Variants in SPACA7 observed in about 807,000 individuals in gnomAD.
SPACA7 encodes the protein sperm acrosome associated 7.
A neutral mutation model predicts 26.3 loss-of-function variants in SPACA7; 19 were observed. The ratio of observed to expected loss-of-function variants is 0.72; its 90% CI spans 0.50 to 1.06. SPACA7 has a LOEUF of 1.06. Ranked by LOEUF, SPACA7 falls within the 50% of genes least tolerant of loss-of-function variation. The pLI, the probability that SPACA7 is intolerant of heterozygous loss-of-function variation, is 0.00. For missense variants in SPACA7, 211 were observed against 229.9 expected, an observed-to-expected ratio of 0.92 and a Z score of 0.53; for synonymous variants, 84 against 84.5, an observed-to-expected ratio of 0.99 and a Z score of 0.04.
chr13:112,389,830 A>G (rs1443447718), intron 1 of SPACA7, among the ~76,000 whole-genome samples: 1 of 152,202 alleles, frequency 6.6e-6, no homozygotes, highest in Non-Finnish European at 1.5e-5. Context: ...TAAAAACGGG[A>G]TATGTTGAGG....
intron 2 of SPACA7, among the ~76,000 whole-genome samples, chr13:112,393,807 G>A (rs1410672793): frequency 6.6e-6 from 1 of 152,100 alleles, no homozygotes; most frequent in Non-Finnish European, 1.5e-5. Context: ...CCAACATGGT[G>A]AAACCCCGCC....
At chr13:112,383,951 G>T (rs1029134237) in intron 1 of SPACA7, among the ~76,000 whole-genome samples, 2 of 152,142 alleles carry the variant, frequency 1.3e-5, no homozygotes, top group African/African-American at 4.8e-5. Flanking sequence ...GGAGAAATCA[G>T]GTAGAGAGAA....
At chr13:112,391,455 T>C (rs1298077328) in intron 1 of SPACA7, among the ~76,000 whole-genome samples, 1 of 152,146 alleles carries the variant, frequency 6.6e-6, no homozygotes, top group African/African-American at 2.4e-5. Flanking sequence ...TGCAGTGCTG[T>C]TTTCCCCAAA....
At chr13:112,410,327 G>C (rs2139000027) in intron 5 of SPACA7, among the ~76,000 whole-genome samples, 1 of 151,862 alleles carries the variant, frequency 6.6e-6, no homozygotes, top group South Asian at 2.1e-4. Context: ...TAACAAACCT[G>C]CATATTGTGC....
At chr13:112,382,509 T>C in intron 1 of SPACA7, 3 of 1,550,194 alleles carry the variant, frequency 1.9e-6, no homozygotes, top group Non-Finnish European at 2.6e-6. Context: ...AACCCCAAGG[T>C]GAGAACAGTG....
At chr13:112,381,935 G>A (rs1233074973) in intron 1 of SPACA7, among the ~76,000 whole-genome samples, 6 of 152,150 alleles carry the variant, frequency 3.9e-5, no homozygotes, top group Non-Finnish European at 8.8e-5. Flanking sequence ...AGAATCTTGT[G>A]GCCTCCAGCT....
At chr13:112,397,155 T>C (rs1885325187) in intron 2 of SPACA7, among the ~76,000 whole-genome samples, 1 of 152,194 alleles carries the variant, frequency 6.6e-6, no homozygotes, top group African/African-American at 2.4e-5. Context: ...ACATCTTCGT[T>C]TCCAGTGGCA....
chr13:112,423,331 A>G, intron 5 of SPACA7, among the ~76,000 whole-genome samples: 1 of 152,254 alleles, frequency 6.6e-6, no homozygotes, highest in Non-Finnish European at 1.5e-5. Context: ...TTAAATGCTT[A>G]TGCTAAAATA....
chr13:112,395,762 G>A (rs566571348), intron 2 of SPACA7, among the ~76,000 whole-genome samples: 24 of 152,252 alleles, frequency 1.6e-4, no homozygotes, highest in Non-Finnish European at 3.4e-4. Context: ...GAGCCACTGC[G>A]CCCAGCCTGG....
intron 5 of SPACA7, among the ~76,000 whole-genome samples, chr13:112,416,169 G>T (rs992293132): frequency 6.6e-6 from 1 of 151,982 alleles, no homozygotes; most frequent in East Asian, 1.9e-4. Context: ...CAGTTCTTGT[G>T]AAGGTGACTT....
rs1366124298 is a variant in SPACA7, at chr13:112,432,665, G to A, written c.523+144G>A. The A allele has an allele frequency of 5.8e-5, 37 of 637,524 alleles. 1 individual carries two copies. In the South Asian group the frequency reaches 6.4e-4, roughly 11 times the overall value. The allele number at this position is 637,524 out of a possible 1,614,324, so 39.5% of individuals were successfully genotyped here. On this transcript the variant is annotated intron_variant, in intron 6 of 6. Transcript: ENST00000283550. Reference sequence around the variant, plus strand: ...CTACCTGAGCTCCACAGGAGCCCCTGTCCAACCGTTGATGTGTGGAAACCT... The same window carrying A: ...CTACCTGAGCTCCACAGGAGCCCCTATCCAACCGTTGATGTGTGGAAACCT...
chr13:112,413,540 G>T (rs1292096961), intron 5 of SPACA7, among the ~76,000 whole-genome samples: 1 of 152,062 alleles, frequency 6.6e-6, no homozygotes, highest in Non-Finnish European at 1.5e-5. Flanking sequence ...TTGAGAGCTT[G>T]ATTATTCGAT....
At position 112,398,024 on chromosome 13, in the gene SPACA7, C is replaced by T. The variant is rs145284994; in HGVS notation, c.152-25C>T. 9.8e-4 allele frequency: 1,536 copies of T among 1,561,072 alleles called. 23 individuals are homozygous for T. In the South Asian group the frequency reaches 0.013, roughly 13 times the overall value. On this transcript the variant is annotated intron_variant, in intron 2 of 6. Transcript: ENST00000283550. ...GCCAGCCCTGCAGGGCCGACTCTAA[C>T]GTGATCTTGTGTGCTTCTCCCAAGA...
intron 5 of SPACA7, among the ~76,000 whole-genome samples, chr13:112,426,043 G>A (rs952904063): frequency 7.2e-5 from 11 of 152,202 alleles, no homozygotes; most frequent in Non-Finnish European, 1.3e-4. Flanking sequence ...AAATGGAAAT[G>A]TATAGCATTA....
intron 5 of SPACA7, among the ~76,000 whole-genome samples, chr13:112,413,820 C>T (rs1460980341): frequency 6.6e-6 from 1 of 152,008 alleles, no homozygotes; most frequent in East Asian, 1.9e-4. Context: ...TTTTGTGTTG[C>T]CATAATGGGA....
intron 2 of SPACA7, among the ~76,000 whole-genome samples, chr13:112,393,679 A>C (rs1594261895): frequency 6.6e-6 from 1 of 152,412 alleles, no homozygotes; most frequent in South Asian, 2.1e-4. Context: ...AGGGCCGTCC[A>C]ATAGAAACAC....
At chr13:112,378,486 A>C (rs1038717294) in intron 1 of SPACA7, among the ~76,000 whole-genome samples, 4 of 152,326 alleles carry the variant, frequency 2.6e-5, no homozygotes, top group African/African-American at 7.2e-5. Context: ...ATGGTAATGG[A>C]CCACATAAAC....
chr13:112,398,094 C>T lies in SPACA7; in HGVS notation c.197C>T (p.Pro66Leu), dbSNP rs147254816. ...ATTTTAGATCTGAATAAAACAACAC[C>T]GAGCGAAATGCCAAGTACAGCATCA... ...QEILDLNKTT[P>L]SEMPSTASTL... is the part of the protein sequence containing the mutation. The change falls in exon 3 of 7, where the codon CCG (proline) becomes CTG (leucine). Residue 66 changes from proline (P) to leucine (L), a missense_variant. Pro to Leu is a moderately conservative substitution (Grantham distance 98). Transcript: ENST00000283550. 1.4e-4 allele frequency: 219 copies of T among 1,613,900 alleles called. No individual in the cohort carries two copies. The African/African-American group carries it at 2.3e-3, about 17-fold the overall frequency.
intron 1 of SPACA7, among the ~76,000 whole-genome samples, 164 bp from the exon 2 acceptor site, chr13:112,392,857 T>G (rs1271376517): frequency 6.6e-6 from 1 of 152,210 alleles, no homozygotes; most frequent in Non-Finnish European, 1.5e-5. Context: ...CAGAGAACTT[T>G]CCTGGGGCCA....
Sources: gnomAD v4.1 joint callset for allele counts (sites outside exome capture counted in the v4.1 genomes callset) on GRCh38, gnomAD v4.1.1 for gene constraint, MANE v1.5 for transcripts, NCBI Gene and HGNC (gene_info 2026-07-23, HGNC 2026-07-21) for gene names.